The following CPE variants were observed in gnomAD, a reference collection of about 807,000 sequenced individuals.
CPE encodes carboxypeptidase E.
Under a neutral mutation model 53.5 loss-of-function variants are expected in CPE, and 17 were observed. The observed-to-expected ratio is 0.32, with a 90% CI of 0.22 to 0.48. The LOEUF (loss-of-function observed/expected upper bound fraction) is 0.48, where lower values mean the gene tolerates loss of function less well. Ranked by LOEUF, CPE falls within the 20% of genes least tolerant of loss-of-function variation. The pLI, the probability that CPE is intolerant of heterozygous loss-of-function variation, is 0.99. For synonymous variants in CPE, 226 were observed against 228.8 expected, an observed-to-expected ratio of 0.99 and a Z score of 0.11; for missense variants, 524 against 614.7, an observed-to-expected ratio of 0.85 and a Z score of 1.56.
chr4:165,400,613 A>T (rs538127594), intron 1 of CPE, among the ~76,000 whole-genome samples: 1 of 152,316 alleles, frequency 6.6e-6, no homozygotes, highest in Non-Finnish European at 1.5e-5. Flanking sequence ...GAAGAAGTCA[A>T]ACAAATGGAT....
chr4:165,469,363 T>C (rs1274509489), intron 3 of CPE, among the ~76,000 whole-genome samples: 1 of 152,174 alleles, frequency 6.6e-6, no homozygotes, highest in Non-Finnish European at 1.5e-5. Context: ...ATTTCTCCAT[T>C]TCATTCTAGT....
At chr4:165,477,038 G>T (rs1345115365) in intron 3 of CPE, among the ~76,000 whole-genome samples, 1 of 152,190 alleles carries the variant, frequency 6.6e-6, no homozygotes. Context: ...ACTTGCTTGT[G>T]CTGTCTTTGT....
intron 1 of CPE, chr4:165,386,150 G>A (rs12509669): frequency 0.3 from 141,902 of 469,790 alleles, 23,564 homozygotes; most frequent in Admixed American, 0.5. Flanking sequence ...ATAATGTGAT[G>A]ATTAAATGAG....
intron 1 of CPE, among the ~76,000 whole-genome samples, chr4:165,425,622 T>C (rs1222822685): frequency 6.6e-6 from 1 of 151,496 alleles, no homozygotes; most frequent in Non-Finnish European, 1.5e-5. Flanking sequence ...CATCCAAAGA[T>C]TGATGAAAAT....
chr4:165,488,366 C>G (rs1021221659), intron 6 of CPE, among the ~76,000 whole-genome samples: 1 of 152,156 alleles, frequency 6.6e-6, no homozygotes, highest in African/African-American at 2.4e-5. Context: ...ATTTATGTAG[C>G]CATTCCAATG....
At chr4:165,486,393 A>T (rs1732506011) in intron 5 of CPE, among the ~76,000 whole-genome samples, 2 of 152,192 alleles carry the variant, frequency 1.3e-5, no homozygotes, top group South Asian at 4.1e-4. Context: ...TGTTATCATT[A>T]TATCTTGTAT....
intron 1 of CPE, among the ~76,000 whole-genome samples, chr4:165,403,265 A>G (rs576181621): frequency 3.5e-4 from 53 of 152,336 alleles, no homozygotes; most frequent in Non-Finnish European, 7.4e-5. Context: ...ACCACCTGTC[A>G]TTGAAACCAG....
Position 165,490,565 on chromosome 4 carries a change from G to A in CPE, c.1114-2606G>A, listed in dbSNP as rs538726852. ...GGAGAATGGCATGAACCCGGGAGGC[G>A]GAGCTTGCAGTGAGCCGAGATCACA... On this transcript the variant is annotated intron_variant, in intron 6 of 8. Transcript: ENST00000402744. Among the ~76,000 whole-genome samples, 10 of 146,272 alleles carry A rather than the reference G, an allele frequency of 6.8e-5. No individual in the cohort carries two copies. In the South Asian group the frequency reaches 1.1e-3, roughly 16 times the overall value.
At chr4:165,460,461 C>T (rs1221009602) in intron 1 of CPE, among the ~76,000 whole-genome samples, 1 of 152,134 alleles carries the variant, frequency 6.6e-6, no homozygotes, top group Admixed American at 6.5e-5. Context: ...CATACTGCTG[C>T]CTTCATTCCC....
intron 1 of CPE, among the ~76,000 whole-genome samples, chr4:165,413,490 G>A (rs534104572): frequency 6.6e-6 from 1 of 152,198 alleles, no homozygotes; most frequent in Non-Finnish European, 1.5e-5. Context: ...CAGAAACATA[G>A]TATGATGGAG....
chr4:165,424,879 C>CTTTTTT (rs777344411), intron 1 of CPE, among the ~76,000 whole-genome samples: 4,399 of 137,596 alleles, frequency 0.032, 292 homozygotes, highest in African/African-American at 0.1. Context: ...AAAGTAGAAA[C>CTTTTTT]TTTTTTTTTT....
In CPE at chr4:165,473,714, T is replaced by C. The variant is rs150015948; in HGVS notation, c.672+5859T>C. Among the ~76,000 whole-genome samples the C allele has an allele frequency of 8.8e-3, 1,346 of 152,260 alleles. 58 individuals are homozygous for C. The highest frequency in any genetic ancestry group is 0.072 in the Admixed American group (1,097 of 15,298). On this transcript the variant is annotated intron_variant, in intron 3 of 8. Transcript: ENST00000402744. ...TTTTTGCCCAAAAGAGTGTGAATCTTTTCTTTTGGAAGGAGGAGGTGCCAT... is the reference window on the plus strand; with the variant it reads ...TTTTTGCCCAAAAGAGTGTGAATCTCTTCTTTTGGAAGGAGGAGGTGCCAT...
chr4:165,434,299 A>G (rs1731459973), intron 1 of CPE, among the ~76,000 whole-genome samples: 1 of 150,110 alleles, frequency 6.7e-6, no homozygotes, highest in South Asian at 2.1e-4. Flanking sequence ...ATATTTGCTA[A>G]AAAAAATACA....
intron 1 of CPE, among the ~76,000 whole-genome samples, chr4:165,412,164 G>A (rs10011416): frequency 0.29 from 43,705 of 151,958 alleles, 6,430 homozygotes; most frequent in Middle Eastern, 0.4. Flanking sequence ...GTTTGAAAGG[G>A]TAAAGCACAT....
chr4:165,393,001 C>T (rs578221803), intron 1 of CPE, among the ~76,000 whole-genome samples: 1 of 151,190 alleles, frequency 6.6e-6, no homozygotes, highest in Non-Finnish European at 1.5e-5. Flanking sequence ...TAATGCTTTT[C>T]CTCCCTAGGT....
intron 3 of CPE, among the ~76,000 whole-genome samples, chr4:165,474,536 T>A (rs909738728): frequency 6.6e-6 from 1 of 152,210 alleles, no homozygotes. Flanking sequence ...CATTCATCCT[T>A]AGGGTTCTGG....
chr4:165,394,875 T>A (rs1411899692), intron 1 of CPE, among the ~76,000 whole-genome samples: 1 of 152,158 alleles, frequency 6.6e-6, no homozygotes, highest in Admixed American at 6.6e-5. Flanking sequence ...TAAGAATCAT[T>A]GATAATATAT....
intron 1 of CPE, among the ~76,000 whole-genome samples, chr4:165,446,646 C>T (rs369218397): frequency 8.5e-5 from 13 of 152,210 alleles, no homozygotes; most frequent in Admixed American, 3.9e-4. Flanking sequence ...CTGCGCCCGG[C>T]CTAGAGTTAT....
chr4:165,386,101 TTCTC>T (rs771878997), intron 1 of CPE: 28 of 361,408 alleles, frequency 7.7e-5, no homozygotes, highest in South Asian at 3.8e-4. Flanking sequence ...GTCAATTAAC[TTCTC>T]TCTATCTCCC....
Sources: gnomAD v4.1 joint callset for allele counts (sites outside exome capture counted in the v4.1 genomes callset) on GRCh38, gnomAD v4.1.1 for gene constraint, MANE v1.5 for transcripts, NCBI Gene and HGNC (gene_info 2026-07-23, HGNC 2026-07-21) for gene names.